The following PHTF2 variants were observed in gnomAD, a reference collection of about 807,000 sequenced individuals.
PHTF2 encodes the protein protein PHTF2.
PHTF2 carries 60 observed loss-of-function variants against 101.2 expected under a neutral mutation model. That is an observed-to-expected ratio of 0.59 (90% confidence interval 0.48 to 0.73). The LOEUF (loss-of-function observed/expected upper bound fraction) is 0.73. PHTF2 is among the 30% of genes least tolerant of loss of function. The probability of loss-of-function intolerance (pLI) is 0.00; values close to 1 mark genes in which losing one functional copy is unlikely to be tolerated. For missense variants in PHTF2, 747 were observed against 908.7 expected, an observed-to-expected ratio of 0.82 and a Z score of 2.29; for synonymous variants, 311 against 307.3, an observed-to-expected ratio of 1.01 and a Z score of -0.13.
At chr7:77,865,239 T>C (rs1025357885) in intron 3 of PHTF2, among the ~76,000 whole-genome samples, 3 of 152,112 alleles carry the variant, frequency 2.0e-5, no homozygotes, top group African/African-American at 7.2e-5. Context: ...TTTTCTTTTT[T>C]TTTTTAGACA....
At chr7:77,839,737 C>T (rs541351446) in intron 1 of PHTF2, among the ~76,000 whole-genome samples, 41 of 152,020 alleles carry the variant, frequency 2.7e-4, no homozygotes, top group Non-Finnish European at 5.4e-4. Flanking sequence ...CTTTTTGGCT[C>T]TTGGGTTATT....
At chr7:77,931,192 C>A (rs2150947744) in intron 12 of PHTF2, among the ~76,000 whole-genome samples, 1 of 152,224 alleles carries the variant, frequency 6.6e-6, no homozygotes, top group Non-Finnish European at 1.5e-5. Context: ...GGAGAAAAAT[C>A]TTTATTACTT....
chr7:77,875,082 C>T (rs1798816700), intron 3 of PHTF2, among the ~76,000 whole-genome samples: 1 of 152,058 alleles, frequency 6.6e-6, no homozygotes, highest in African/African-American at 2.4e-5. Flanking sequence ...CTTTTTGCTT[C>T]CAGTCACTTT....
At chr7:77,825,816 TA>T (rs961642953) in intron 1 of PHTF2, among the ~76,000 whole-genome samples, 2 of 151,598 alleles carry the variant, frequency 1.3e-5, no homozygotes, top group Non-Finnish European at 2.9e-5. Flanking sequence ...TTAAACGTGA[TA>T]AAAAAAATAG....
At chr7:77,874,652 C>T (rs1798787071) in intron 3 of PHTF2, among the ~76,000 whole-genome samples, 1 of 152,148 alleles carries the variant, frequency 6.6e-6, no homozygotes, top group Non-Finnish European at 1.5e-5. Flanking sequence ...AGATTGTGCC[C>T]ACCCAAATTA....
intron 3 of PHTF2, among the ~76,000 whole-genome samples, chr7:77,868,968 A>G (rs1357636464): frequency 1.3e-5 from 2 of 152,202 alleles, no homozygotes; most frequent in Non-Finnish European, 2.9e-5. Flanking sequence ...TATAGATCCT[A>G]TTCGTACTTT....
chr7:77,891,021 C>T (rs1160609125), intron 3 of PHTF2, among the ~76,000 whole-genome samples: 7 of 151,254 alleles, frequency 4.6e-5, no homozygotes, highest in Non-Finnish European at 7.4e-5. Context: ...GATCCTCCCA[C>T]CTCAGCCTCC....
rs571405570 is a variant in PHTF2, at chr7:77,913,936, C to T, written c.776+3527C>T. Among the ~76,000 whole-genome samples, 17 of 151,862 alleles carry T rather than the reference C, an allele frequency of 1.1e-4. No individual in the cohort carries two copies. The East Asian group carries it at 1.2e-3, about 10-fold the overall frequency. On this transcript the variant is annotated intron_variant, in intron 9 of 19. Transcript: ENST00000416283. ...AAAAAATTAGCCAGGCATAGTGGCA[C>T]GTGCCTGTAATCCCAGCTACTTGAG...
chr7:77,894,107 A>G, intron 5 of PHTF2, 114 bp downstream of exon 4: 1 of 850,686 alleles, frequency 1.2e-6, no homozygotes. Context: ...GAAAAGAGTC[A>G]CTGAAAAGTT....
In PHTF2 at chr7:77,892,508, T is replaced by G. The variant is rs565251054; in HGVS notation, c.148-1100T>G. Reference sequence around the variant, plus strand: ...CTCCTGTATTTTCTTATAATATCATTGCCTATCTCTGGTCATTTTCTGTCT... The same window carrying G: ...CTCCTGTATTTTCTTATAATATCATGGCCTATCTCTGGTCATTTTCTGTCT... On this transcript the variant is annotated intron_variant, in intron 3 of 19. Coordinates refer to ENST00000416283, the Ensembl canonical transcript of PHTF2. Among the ~76,000 whole-genome samples, 4 of 152,344 alleles carry G rather than the reference T, an allele frequency of 2.6e-5. No individual in the cohort carries two copies. The East Asian group carries it at 7.7e-4, about 29-fold the overall frequency.
At chr7:77,852,265 G>T (rs533219479) in intron 2 of PHTF2, among the ~76,000 whole-genome samples, 23 of 152,330 alleles carry the variant, frequency 1.5e-4, no homozygotes, top group African/African-American at 5.5e-4. Flanking sequence ...GCTGAGGCAG[G>T]CAGATCACTT....
At chr7:77,830,855 AT>A (rs1306816071) in intron 1 of PHTF2, among the ~76,000 whole-genome samples, 1 of 152,168 alleles carries the variant, frequency 6.6e-6, no homozygotes, top group Non-Finnish European at 1.5e-5. Flanking sequence ...TACTTACCTT[AT>A]CCGTCCACAT....
At chr7:77,809,189 A>G (rs1793219748) in intron 1 of PHTF2, among the ~76,000 whole-genome samples, 1 of 150,744 alleles carries the variant, frequency 6.6e-6, no homozygotes, top group African/African-American at 2.5e-5. Context: ...AAGGTAAGCA[A>G]ATAATTGCAT....
chr7:77,868,745 G>C (rs1169713293), intron 3 of PHTF2, among the ~76,000 whole-genome samples: 1 of 152,162 alleles, frequency 6.6e-6, no homozygotes, highest in Non-Finnish European at 1.5e-5. Flanking sequence ...GGGCTTTTAT[G>C]CTTGCAGATG....
At chr7:77,900,711 G>T in exon 6 of PHTF2, 1 of 1,485,770 alleles carries the variant, frequency 6.7e-7, no homozygotes, top group South Asian at 1.1e-5. Context: ...TATATTATAG[G>T]GGCTAAGGAA....
chr7:77,851,464 T>C (rs1358890984), intron 2 of PHTF2, among the ~76,000 whole-genome samples: 1 of 152,172 alleles, frequency 6.6e-6, no homozygotes. Context: ...TCCGTTTTCA[T>C]CTCTAATTAT....
chr7:77,865,340 C>G (rs1395044317), intron 3 of PHTF2, among the ~76,000 whole-genome samples: 1 of 152,094 alleles, frequency 6.6e-6, no homozygotes, highest in Non-Finnish European at 1.5e-5. Context: ...ATTCTCCTGC[C>G]TCAGCCCCCT....
At chr7:77,924,876 T>G (rs1456158603) in intron 11 of PHTF2, among the ~76,000 whole-genome samples, 2 of 152,196 alleles carry the variant, frequency 1.3e-5, no homozygotes, top group Non-Finnish European at 2.9e-5. Context: ...GACTTTCATT[T>G]AATCCCCGGT....
exon 13 of PHTF2, chr7:77,937,740 C>T (rs1386105316): frequency 1.4e-6 from 2 of 1,465,070 alleles, no homozygotes; most frequent in Non-Finnish European, 1.8e-6. Flanking sequence ...TAGTTCCCAC[C>T]CAGGATTAGA....
Sources: gnomAD v4.1 joint callset for allele counts (sites outside exome capture counted in the v4.1 genomes callset) on GRCh38, gnomAD v4.1.1 for gene constraint, MANE v1.5 for transcripts, NCBI Gene and HGNC (gene_info 2026-07-23, HGNC 2026-07-21) for gene names.